Variants in CUL1 observed in about 807,000 individuals in gnomAD.
CUL1 encodes the protein cullin 1.
In CUL1, 24 loss-of-function variants were observed where a neutral mutation model predicts 118.0. That is an observed-to-expected ratio of 0.20 (90% CI 0.15 to 0.29). The LOEUF is 0.29. Ranked by LOEUF, CUL1 falls within the 10% of genes least tolerant of loss-of-function variation. The probability of loss-of-function intolerance (pLI) is 1.00; values close to 1 mark genes in which losing one functional copy is unlikely to be tolerated. For synonymous variants in CUL1, 332 were observed against 340.4 expected (o/e 0.98, Z 0.27); for missense variants, 361 against 933.8 (o/e 0.39, Z 7.99).
intron 1 of CUL1, among the ~76,000 whole-genome samples, chr7:148,717,556 TGA>T (rs1798254719): frequency 1.3e-5 from 2 of 152,008 alleles, no homozygotes; most frequent in African/African-American, 4.8e-5. Flanking sequence ...TGGTCTAAGT[TGA>T]GCCGTTATCT....
intron 1 of CUL1, among the ~76,000 whole-genome samples, chr7:148,709,215 A>G (rs1292877747): frequency 1.3e-5 from 2 of 152,246 alleles, no homozygotes; most frequent in African/African-American, 4.8e-5. Flanking sequence ...GATTTGTTTT[A>G]CTGACAATTG....
In CUL1 at chr7:148,737,085, A is replaced by G. The variant is rs538661113; in HGVS notation, c.140+6823A>G. Among the ~76,000 whole-genome samples, 9 of 152,314 alleles carry G rather than the reference A, an allele frequency of 5.9e-5. 1 individual carries two copies. Among genetic ancestry groups the G allele is most frequent in the African/African-American group, 1.9e-4 (8 of 41,564 alleles). ...TGCAAAGTTCTTGCTATCTTTTACT[A>G]CTGACCTGGTACTATTAAAATCATT... On this transcript the variant is annotated intron_variant, in intron 2 of 21. Transcript: ENST00000325222.
In CUL1 at chr7:148,792,688, A is replaced by G. The variant is rs1801058280; in HGVS notation, c.1807-38A>G. On this transcript the variant is annotated intron_variant, in intron 16 of 21. Transcript: ENST00000325222. ...TTGGGAGGTGTTTCCATGCATGTAAATTTTCCTTCTTTTTCTTTTATATGG... is the reference window on the plus strand; with the variant it reads ...TTGGGAGGTGTTTCCATGCATGTAAGTTTTCCTTCTTTTTCTTTTATATGG... 2.6e-6 allele frequency: 4 copies of G among 1,525,446 alleles called. No individual in the cohort carries two copies. The East Asian group carries it at 9.2e-5, about 35-fold the overall frequency. The allele number at this position is 1,525,446 out of a possible 1,614,324, so 94.5% of individuals were successfully genotyped here.
At chr7:148,757,778 A>G (rs1215329459) in intron 4 of CUL1, among the ~76,000 whole-genome samples, 1 of 152,188 alleles carries the variant, frequency 6.6e-6, no homozygotes, top group Admixed American at 6.6e-5. Context: ...AAGGCCTCAC[A>G]ACCATGGCAG....
intron 9 of CUL1, among the ~76,000 whole-genome samples, chr7:148,773,033 C>T (rs1304878676): frequency 6.6e-6 from 1 of 152,088 alleles, no homozygotes; most frequent in Admixed American, 6.6e-5. Context: ...ATCACTGCAC[C>T]TCCCAAATGG....
chr7:148,794,007 A>T (rs1801103103), intron 17 of CUL1, among the ~76,000 whole-genome samples: 1 of 152,166 alleles, frequency 6.6e-6, no homozygotes, highest in Non-Finnish European at 1.5e-5. Flanking sequence ...AATGATGTGT[A>T]GAATCTTTTT....
At chr7:148,714,597 C>T (rs774293244) in intron 1 of CUL1, among the ~76,000 whole-genome samples, 22 of 152,158 alleles carry the variant, frequency 1.4e-4, no homozygotes, top group Non-Finnish European at 2.8e-4. Context: ...ATCTGAATAG[C>T]AGTGCTGGCT....
chr7:148,751,534 C>CAA lies in CUL1; in HGVS notation c.141-2423_141-2422dup, dbSNP rs1166826975. Among the ~76,000 whole-genome samples the CAA allele has an allele frequency of 6.0e-3, 395 of 65,420 alleles. 5 individuals carry two copies. Among genetic ancestry groups the CAA allele is most frequent in the African/African-American group, 0.01 (174 of 17,192 alleles). 42.9% of individuals were successfully genotyped at this position (65,420 alleles called of 152,430 possible). ...TGGGAGACAGAGTGAGACTCTGTCT[C>CAA]AAAAAAAAAAAAAAAAAAAACCTCT... On this transcript the variant is annotated intron_variant, in intron 2 of 21. Transcript: ENST00000325222.
chr7:148,784,370 A>G (rs953385922), intron 11 of CUL1, among the ~76,000 whole-genome samples: 2 of 152,200 alleles, frequency 1.3e-5, no homozygotes, highest in Non-Finnish European at 2.9e-5. Flanking sequence ...GGGCACGTTC[A>G]GTTCAGAGTG....
At chr7:148,711,016 G>C (rs1798034753) in intron 1 of CUL1, among the ~76,000 whole-genome samples, 1 of 152,076 alleles carries the variant, frequency 6.6e-6, no homozygotes, top group Non-Finnish European at 1.5e-5. Context: ...TTGAGACAGA[G>C]TGGGAAGCAA....
At chr7:148,745,017 G>A (rs1355521995) in intron 2 of CUL1, among the ~76,000 whole-genome samples, 6 of 151,654 alleles carry the variant, frequency 4.0e-5, no homozygotes, top group South Asian at 2.1e-4. Context: ...TTCCCTGTCC[G>A]CTTTCAAGAT....
chr7:148,773,164 A>C (rs1800275028), intron 9 of CUL1, among the ~76,000 whole-genome samples: 2 of 152,188 alleles, frequency 1.3e-5, no homozygotes, highest in South Asian at 4.1e-4. Flanking sequence ...GTTTTAAACA[A>C]AGCAGAATAA....
rs566389638 is a variant in CUL1 at position 148,738,246 on chromosome 7, C to T, written c.140+7984C>T. ...TACGTTAGTAGTAGATGCTGAACTC[C>T]AGGAAGGCAGTCTGTTGGTGAGGCC... On this transcript the variant is annotated intron_variant, in intron 2 of 21. Transcript: ENST00000325222. Among the ~76,000 whole-genome samples the T allele has an allele frequency of 1.3e-4, 20 of 152,232 alleles. 1 individual carries two copies. In the South Asian group the frequency reaches 1.7e-3, roughly 13 times the overall value.
At chr7:148,759,503 C>T (rs762468822) in intron 5 of CUL1, 45 bp from the exon 6 acceptor site, 7 of 1,373,288 alleles carry the variant, frequency 5.1e-6, no homozygotes, top group Non-Finnish European at 7.2e-6. Flanking sequence ...TAATATATAT[C>T]ATATTCTATA....
Position 148,790,399 on chromosome 7 carries a change from A to T in CUL1, c.1764A>T (p.Gly588=), listed in dbSNP as rs781743134. Residue 588 remains glycine (G), a synonymous_variant, in exon 16 of 22, where the codon GGA becomes GGT. Transcript: ENST00000325222. The part of the protein sequence containing the change: ...KLTWLYQLSK[G]ELVTNCFKNR... ...CGTGGTTATATCAGTTGTCTAAAGG[A>T]GAATTGGTAACTAACTGCTTCAAAA... 6.2e-6 allele frequency: 10 copies of T among 1,613,986 alleles called. No homozygotes were observed. In the South Asian group the frequency reaches 1.1e-4, roughly 18 times the overall value.
intron 1 of CUL1, among the ~76,000 whole-genome samples, chr7:148,704,515 C>A (rs1412355361): frequency 6.6e-6 from 1 of 152,078 alleles, no homozygotes; most frequent in Non-Finnish European, 1.5e-5. Context: ...AATATTCTGT[C>A]CAGGGTGTGC....
At chr7:148,767,559 T>A in intron 8 of CUL1, 60 bp from the exon 9 acceptor site, 2 of 1,470,514 alleles carry the variant, frequency 1.4e-6, no homozygotes, top group Admixed American at 1.8e-5. Flanking sequence ...AATACATAAT[T>A]AGTAGAATGG....
At chr7:148,717,003 T>G (rs956160357) in intron 1 of CUL1, among the ~76,000 whole-genome samples, 1 of 152,226 alleles carries the variant, frequency 6.6e-6, no homozygotes, top group Non-Finnish European at 1.5e-5. Context: ...ATGGAACATT[T>G]CTTCAGCAAT....
rs533983467 is a variant in CUL1, at chr7:148,770,948, T to C, written c.1083+3199T>C. 2.5e-4 allele frequency among the ~76,000 whole-genome samples: 38 copies of C among 152,354 alleles called. 1 individual carries two copies. In the South Asian group the frequency reaches 7.9e-3, roughly 32 times the overall value. ...TAAAAGTTAGAATCATTGTACATGA[T>C]TTTAAGTGGGATTTAATTACCTTGA... is the stretch of plus-strand genomic sequence containing the variant. On this transcript the variant is annotated intron_variant, in intron 9 of 21. Coordinates refer to ENST00000325222, the MANE Select transcript of CUL1 (RefSeq NM_003592.3).
Sources: allele counts gnomAD v4.1 joint callset (sites outside exome capture counted in the v4.1 genomes callset), GRCh38; gene constraint gnomAD v4.1.1; transcripts MANE v1.5; gene names NCBI Gene and HGNC (gene_info 2026-07-23, HGNC 2026-07-21).